Variants in MYSM1 observed in about 807,000 individuals in gnomAD.
MYSM1 encodes deubiquitinase MYSM1.
In MYSM1, 51 loss-of-function variants were observed where a neutral mutation model predicts 116.0. That is an observed-to-expected ratio of 0.44 (90% CI 0.35 to 0.56). MYSM1 has a LOEUF of 0.56. Among genes scored for constraint, MYSM1 ranks in the 20% least tolerant of loss-of-function variants. The probability of loss-of-function intolerance (pLI) is 0.00; values close to 1 mark genes in which losing one functional copy is unlikely to be tolerated. For synonymous variants in MYSM1, 313 were observed against 315.2 expected (o/e 0.99, Z 0.07); for missense variants, 900 against 974.9 (o/e 0.92, Z 1.02).
intron 12 of MYSM1, among the ~76,000 whole-genome samples, chr1:58,670,267 T>C (rs1447777031): frequency 3.9e-5 from 6 of 151,984 alleles, no homozygotes. Flanking sequence ...GATGAGAAAA[T>C]AGCACAGAAA....
intron 6 of MYSM1, among the ~76,000 whole-genome samples, chr1:58,686,324 T>A (rs183008987): frequency 7.2e-5 from 11 of 152,336 alleles, no homozygotes; most frequent in Admixed American, 7.2e-4. Flanking sequence ...CTAACTATAA[T>A]TTAATACGTA....
intron 9 of MYSM1, among the ~76,000 whole-genome samples, chr1:58,676,618 C>T (rs551153060): frequency 1.7e-4 from 26 of 152,022 alleles, no homozygotes; most frequent in African/African-American, 6.3e-4. Context: ...ATTAAATGGG[C>T]TATTATTAGA....
chr1:58,687,175 C>T (rs1009187076), intron 6 of MYSM1, among the ~76,000 whole-genome samples: 4 of 152,076 alleles, frequency 2.6e-5, no homozygotes, highest in African/African-American at 9.7e-5. Context: ...GAAAATACAA[C>T]TAATAATTCC....
intron 16 of MYSM1, among the ~76,000 whole-genome samples, chr1:58,666,734 C>T (rs1644476737): frequency 1.3e-5 from 2 of 151,422 alleles, no homozygotes; most frequent in South Asian, 4.2e-4. Flanking sequence ...ATTAGCTAGG[C>T]GTGGTGGTGC....
chr1:58,667,648 G>A (rs1201652089), intron 15 of MYSM1, among the ~76,000 whole-genome samples, 199 bp downstream of exon 15: 2 of 151,694 alleles, frequency 1.3e-5, no homozygotes, highest in South Asian at 2.1e-4. Flanking sequence ...ATGTTCTCTC[G>A]GTGGTAAAAA....
rs1276438420 is a variant in MYSM1, at chr1:58,659,492, C to T, written c.*505G>A. ...ATTTTCTTGTCATGCCTCTCCTGGT[C>T]TCCTGTTAGATTTATTAATCAGTAG... On this transcript the variant is annotated 3_prime_UTR_variant, in exon 20 of 20. Coordinates refer to ENST00000472487, the MANE Select transcript of MYSM1 (RefSeq NM_001085487.3). The T allele has an allele frequency of 6.6e-6, 1 of 152,136 alleles. No individual in the cohort carries two copies. The highest frequency in any genetic ancestry group is 1.5e-5 in the Non-Finnish European group (1 of 68,016). The allele number at this position is 152,136 out of a possible 1,614,324, so 9.4% of individuals were successfully genotyped here. A position where few individuals can be genotyped will look rare whatever the true frequency, so the allele number is the denominator to read the frequency against.
chr1:58,695,303 TAAGCAA>T, intron 1 of MYSM1, 96 bp from the exon 2 acceptor site: 7 of 704,532 alleles, frequency 9.9e-6, no homozygotes, highest in Middle Eastern at 2.8e-4. Flanking sequence ...GTAAGGGAAC[TAAGCAA>T]ATACTTAGTT....
chr1:58,672,789 G>C (rs925642459), intron 11 of MYSM1, among the ~76,000 whole-genome samples: 1 of 152,088 alleles, frequency 6.6e-6, no homozygotes, highest in African/African-American at 2.4e-5. Context: ...GCCTTTGGGA[G>C]AAACTTACAA....
At chr1:58,669,721 G>A (rs1322698968) in intron 12 of MYSM1, among the ~76,000 whole-genome samples, 1 of 151,206 alleles carries the variant, frequency 6.6e-6, no homozygotes, top group African/African-American at 2.4e-5. Flanking sequence ...CCAGCCACTC[G>A]GGAGGCTGAG....
At position 58,659,997 on chromosome 1, in the gene MYSM1, TC is replaced by T; in HGVS notation, c.2486del (p.Ter829TyrfsTer9). 1 of 1,535,588 alleles carries T rather than the reference TC, an allele frequency of 6.5e-7. No individual in the cohort carries two copies. Among genetic ancestry groups the T allele is most frequent in the Non-Finnish European group, 8.8e-7 (1 of 1,138,018 alleles). The part of the protein sequence containing the change: ...EENCTKELLM[*>X] The stretch of plus-strand genomic sequence containing the variant: ...TTAAAATGTCTTAACTTTAAAATAA[TC>T]ACATTAACAATTCCTTTGTACAGTT... On this transcript the variant is annotated frameshift_variant and stop_lost, in exon 20 of 20. Transcript: ENST00000472487. LOFTEE classifies it high-confidence loss of function.
At chr1:58,684,462 G>A (rs1490121451) in intron 7 of MYSM1, among the ~76,000 whole-genome samples, 1 of 151,604 alleles carries the variant, frequency 6.6e-6, no homozygotes, top group Non-Finnish European at 1.5e-5. Flanking sequence ...CTACTCAGGA[G>A]GCTGAGGCAG....
chr1:58,688,946 T>C, intron 6 of MYSM1, 92 bp downstream of exon 6: 1 of 1,127,400 alleles, frequency 8.9e-7, no homozygotes, highest in South Asian at 1.5e-5. Flanking sequence ...AAAAAGAAAA[T>C]TCAGGTCTCT....
chr1:58,699,545 A>G, intron 1 of MYSM1: 1 of 816,850 alleles, frequency 1.2e-6, no homozygotes, highest in Non-Finnish European at 1.5e-6. Flanking sequence ...TTTTACAACT[A>G]TCCCCATGTG....
At chr1:58,696,177 G>A (rs1225908538) in intron 1 of MYSM1, among the ~76,000 whole-genome samples, 1 of 152,146 alleles carries the variant, frequency 6.6e-6, no homozygotes, top group South Asian at 2.1e-4. Flanking sequence ...ACCAGGAAGG[G>A]TAAATAAAGG....
intron 1 of MYSM1, among the ~76,000 whole-genome samples, 197 bp from the exon 2 acceptor site, chr1:58,695,404 G>C (rs1021344127): frequency 1.3e-5 from 2 of 152,146 alleles, no homozygotes; most frequent in Non-Finnish European, 2.9e-5. Context: ...GTAGTGCTAA[G>C]CTACCCCATC....
At chr1:58,674,386 C>T (rs1381097298) in intron 10 of MYSM1, among the ~76,000 whole-genome samples, 2 of 152,136 alleles carry the variant, frequency 1.3e-5, no homozygotes, top group African/African-American at 2.4e-5. Flanking sequence ...GTTTTGCAAA[C>T]CTCAATAGTG....
At chr1:58,694,771 G>T (rs1288045367) in intron 2 of MYSM1, among the ~76,000 whole-genome samples, 1 of 151,986 alleles carries the variant, frequency 6.6e-6, no homozygotes, top group African/African-American at 2.4e-5. Context: ...TGGGCTCAAG[G>T]AATTCTCCTG....
At chr1:58,667,697 T>C (rs1224983464) in intron 15 of MYSM1, 150 bp downstream of exon 15, 1 of 589,080 alleles carries the variant, frequency 1.7e-6, no homozygotes, top group Non-Finnish European at 3.0e-6. Context: ...AAGTCACTTC[T>C]GGGAATATAT....
rs1474053686 is a variant in MYSM1 at position 58,673,666 on chromosome 1, A to C, written c.1495-16T>G. On this transcript the variant is annotated splice_polypyrimidine_tract_variant and intron_variant, in intron 10 of 19. Coordinates refer to ENST00000472487, the MANE Select transcript of MYSM1 (RefSeq NM_001085487.3). ...TCCTTGTACGCTGCGATGAGATTAA[A>C]GTAAAGCAAAAGGTAGCAAGATTAA... The C allele has an allele frequency of 2.5e-6, 4 of 1,609,646 alleles. No homozygotes were observed. Among genetic ancestry groups the C allele is most frequent in the African/African-American group, 1.3e-5 (1 of 74,858 alleles).
Sources: allele counts gnomAD v4.1 joint callset (sites outside exome capture counted in the v4.1 genomes callset), GRCh38; gene constraint gnomAD v4.1.1; transcripts MANE v1.5; gene names NCBI Gene and HGNC (gene_info 2026-07-23, HGNC 2026-07-21).